RUSC1: variants seen among roughly 807,000 people sequenced by gnomAD.
RUSC1 encodes AP-4 complex accessory subunit RUSC1.
RUSC1 carries 40 observed loss-of-function variants against 72.1 expected under a neutral mutation model. The observed-to-expected ratio is 0.55, with a 90% CI of 0.43 to 0.72. RUSC1 has a LOEUF of 0.72. Among genes scored for constraint, RUSC1 ranks in the 30% least tolerant of loss-of-function variants. RUSC1 has a pLI of 0.00. For synonymous variants in RUSC1, 512 were observed against 494.2 expected, an observed-to-expected ratio of 1.04 and a Z score of -0.48; for missense variants, 1,092 against 1,172.3, an observed-to-expected ratio of 0.93 and a Z score of 1.00.
rs370812974 is a variant in RUSC1, at chr1:155,328,246, C to T, written c.2511C>T (p.Ala837=). ...PEMPSPQELE[A]SAPRMVQTHR... is the part of the protein sequence containing the mutation. Reference sequence around the variant, plus strand: ...TGCCTTCTCCTCAGGAGCTTGAGGCCTCAGCACCCAGGATGGTGCAAACCC... The same window carrying T: ...TGCCTTCTCCTCAGGAGCTTGAGGCTTCAGCACCCAGGATGGTGCAAACCC... Residue 837 remains alanine, a synonymous_variant, in exon 9 of 10, where the codon GCC becomes GCT. Transcript: ENST00000368352. The T allele has an allele frequency of 4.3e-6, 7 of 1,613,324 alleles. No individual in the cohort carries two copies. Among genetic ancestry groups the T allele is most frequent in the Non-Finnish European group, 5.9e-6 (7 of 1,179,646 alleles).
intron 1 of RUSC1, chr1:155,321,299 C>G: frequency 7.3e-7 from 1 of 1,370,984 alleles, no homozygotes; most frequent in Non-Finnish European, 9.8e-7. Flanking sequence ...CATCCTCCAC[C>G]TCCTTTCAGG....
chr1:155,326,501 G>C lies in RUSC1; in HGVS notation c.1862-79G>C. On this transcript the variant is annotated intron_variant, in intron 7 of 9. Transcript: ENST00000368352. The surrounding 1 kb of genome is among the most constrained non-coding windows in gnomAD (Gnocchi z 4.7). ...CAGAGTGAGGCCTGGGAAGATGTGT[G>C]CTGACTGGTGGGCTGCTCTGGGGGG... 1 of 1,409,482 alleles carries C rather than the reference G, an allele frequency of 7.1e-7. No homozygotes were observed. Among genetic ancestry groups the C allele is most frequent in the Non-Finnish European group, 9.7e-7 (1 of 1,030,120 alleles). 87.3% of individuals were successfully genotyped at this position (1,409,482 alleles called of 1,614,324 possible).
At chr1:155,324,141 C>A in intron 2 of RUSC1, 1 of 1,307,740 alleles carries the variant, frequency 7.6e-7, no homozygotes, top group Non-Finnish European at 9.8e-7. Flanking sequence ...TGGGTCACAC[C>A]CTCTGTGGAA....
At chr1:155,323,297 T>G (rs1005426257) in intron 2 of RUSC1, among the ~76,000 whole-genome samples, 167 bp downstream of exon 2, 2 of 152,066 alleles carry the variant, frequency 1.3e-5, no homozygotes, top group African/African-American at 4.8e-5. Context: ...CATTGGGTTA[T>G]GGGACTAACT....
chr1:155,328,331 T>C (rs896558456), intron 9 of RUSC1, 56 bp downstream of exon 9: 1 of 1,507,214 alleles, frequency 6.6e-7, no homozygotes, highest in Non-Finnish European at 8.9e-7. Context: ...TATCACAGCA[T>C]GGATGGGAGG....
In RUSC1 at chr1:155,330,644, C is replaced by T; in HGVS notation, c.*73C>T. The T allele has an allele frequency of 1.4e-6, 2 of 1,391,188 alleles. No individual in the cohort carries two copies. 86.2% of individuals were successfully genotyped at this position (1,391,188 alleles called of 1,614,324 possible). A position where few individuals can be genotyped will look rare whatever the true frequency, so the allele number is the denominator to read the frequency against. On this transcript the variant is annotated 3_prime_UTR_variant, in exon 10 of 10. Coordinates refer to ENST00000368352, the MANE Select transcript of RUSC1 (RefSeq NM_001105203.2). ...ATGGAATGGCCAGTGAACACCATCC[C>T]AGAAGCATTTTCCCTCTGCAAAATG...
In RUSC1 at chr1:155,326,522, G is replaced by A; in HGVS notation, c.1862-58G>A. On this transcript the variant is annotated intron_variant, in intron 7 of 9. Transcript: ENST00000368352. This position sits in a 1 kb window ranked among gnomAD's most constrained non-coding sequence, Gnocchi z 4.7. The stretch of plus-strand genomic sequence containing the variant: ...GTGTGCTGACTGGTGGGCTGCTCTG[G>A]GGGGTCTTCTGGGACTAGGTCCAGG... 3 of 1,530,986 alleles carry A rather than the reference G, an allele frequency of 2.0e-6. No homozygotes were observed. Among genetic ancestry groups the A allele is most frequent in the Non-Finnish European group, 2.7e-6 (3 of 1,129,338 alleles). 94.8% of individuals were successfully genotyped at this position (1,530,986 alleles called of 1,614,324 possible).
rs574216960 is a variant in RUSC1 at position 155,324,229 on chromosome 1, T to C, written c.1358-616T>C. ...GGAGGGTGAAGCTCCCGGGAGCTCA[T>C]TGGCACTAGAGGTTCTGGCCACGCC... On this transcript the variant is annotated intron_variant, in intron 2 of 9. Transcript: ENST00000368352. 4.2e-6 allele frequency: 6 copies of C among 1,433,594 alleles called. No homozygotes were observed. The East Asian group carries it at 1.3e-4, about 31-fold the overall frequency. 88.8% of individuals were successfully genotyped at this position (1,433,594 alleles called of 1,614,324 possible). A position where few individuals can be genotyped will look rare whatever the true frequency, so the allele number is the denominator to read the frequency against.
At position 155,322,817 on chromosome 1, in the gene RUSC1, C is replaced by T. The variant is rs754379923; in HGVS notation, c.1044C>T (p.Pro348=). The T allele has an allele frequency of 6.2e-7, 1 of 1,613,852 alleles. No individual in the cohort carries two copies. The highest frequency in any genetic ancestry group is 8.5e-7 in the Non-Finnish European group (1 of 1,179,934). ...DRSDWLIVFS[P]DTELPPSGSP... ...GTGACTGGCTCATAGTCTTCTCGCC[C>T]GACACCGAGCTCCCCCCCTCGGGGT... The change falls in exon 2 of 10, where the codon CCC becomes CCT. Residue 348 remains proline (P), a synonymous_variant. Coordinates refer to ENST00000368352, the MANE Select transcript of RUSC1 (RefSeq NM_001105203.2).
rs147600336 is a variant in RUSC1, at chr1:155,321,259, C to T, written c.-87+268C>T. 10,202 of 1,366,904 alleles carry T rather than the reference C, an allele frequency of 7.5e-3. 51 individuals carry two copies. The highest frequency in any genetic ancestry group is 8.5e-3 in the Non-Finnish European group (8,707 of 1,022,738). The allele number at this position is 1,366,904 out of a possible 1,614,324, so 84.7% of individuals were successfully genotyped here. On this transcript the variant is annotated intron_variant, in intron 1 of 9. Coordinates refer to ENST00000368352, the MANE Select transcript of RUSC1 (RefSeq NM_001105203.2). The stretch of plus-strand genomic sequence containing the variant: ...AGCCCCCACCCCTTTCCTGCATTCA[C>T]CAGACAAACTCTGCGTATTGCCCCA...
At chr1:155,323,465 T>C (rs1650844916) in intron 2 of RUSC1, 1 of 203,616 alleles carries the variant, frequency 4.9e-6, no homozygotes, top group Admixed American at 6.0e-5. Context: ...CGCCCCCTGT[T>C]GGAGGGTGGG....
At position 155,330,413 on chromosome 1, in the gene RUSC1, G is replaced by A. The variant is rs2148290722; in HGVS notation, c.2551G>A (p.Ala851Thr). ...TCTGGCTCCCCTCAGGGCAGTGCGG[G>A]CTCTCTGTGATCACACTGCTGCAAG... ...RMVQTHRAVR[A>T]LCDHTAARPD... Residue 851 changes from alanine (A) to threonine (T), a missense_variant, in exon 10 of 10, where the codon GCT (alanine) becomes ACT (threonine). By Grantham distance (58) the Ala-to-Thr change is moderately conservative. Coordinates refer to ENST00000368352, the MANE Select transcript of RUSC1 (RefSeq NM_001105203.2). The A allele has an allele frequency of 6.2e-7, 1 of 1,612,646 alleles. No homozygotes were observed. Among genetic ancestry groups the A allele is most frequent in the South Asian group, 1.1e-5 (1 of 91,016 alleles).
At chr1:155,324,394 C>T in intron 2 of RUSC1, 1 of 1,613,046 alleles carries the variant, frequency 6.2e-7, no homozygotes, top group South Asian at 1.1e-5. Context: ...CCTCCCTTTC[C>T]CCTGTCTGTC....
chr1:155,321,415 G>T lies in RUSC1; in HGVS notation c.-86-273G>T, dbSNP rs751651189. On this transcript the variant is annotated intron_variant, in intron 1 of 9. Transcript: ENST00000368352. ...GGACCTGGAGGTCCATTCTGGGCCC[G>T]GACCTCTTCCAGGCCCCCGCCCCCC... The T allele has an allele frequency of 9.3e-6, 13 of 1,398,430 alleles. No individual in the cohort carries two copies. The South Asian group carries it at 1.5e-4, about 16-fold the overall frequency. The allele number at this position is 1,398,430 out of a possible 1,614,324, so 86.6% of individuals were successfully genotyped here. A position where few individuals can be genotyped will look rare whatever the true frequency, so the allele number is the denominator to read the frequency against.
At chr1:155,324,102 G>A (rs1650960068) in intron 2 of RUSC1, 1 of 1,194,848 alleles carries the variant, frequency 8.4e-7, no homozygotes, top group African/African-American at 1.6e-5. Context: ...AAGTCTAGGG[G>A]GTCCCAGCGA....
Position 155,321,925 on chromosome 1 carries a change from G to A in RUSC1, c.152G>A (p.Ser51Asn). ...PPPGDTGGKE[S>N]RGPCSGTLVD... ...CCAGGAGACACTGGGGGCAAGGAGA[G>A]CAGGGGCCCCTGCAGTGGCACCCTG... is the stretch of plus-strand genomic sequence containing the variant. The change falls in exon 2 of 10, where the codon AGC becomes AAC. Residue 51 changes from serine (S) to asparagine (N), a missense_variant. By Grantham distance (46) the Ser-to-Asn change is conservative (BLOSUM62 1). Transcript: ENST00000368352. The A allele has an allele frequency of 6.2e-7, 1 of 1,607,412 alleles. No individual in the cohort carries two copies. The highest frequency in any genetic ancestry group is 8.5e-7 in the Non-Finnish European group (1 of 1,177,174).
chr1:155,330,289 C>T, intron 9 of RUSC1, 114 bp from the exon 10 acceptor site: 1 of 1,020,614 alleles, frequency 9.8e-7, no homozygotes, highest in South Asian at 1.5e-5. Flanking sequence ...CCTTCCAGAG[C>T]CCAGTCAATG....
In RUSC1 at chr1:155,322,393, T is replaced by C; in HGVS notation, c.620T>C (p.Leu207Pro). 6.2e-7 allele frequency: 1 copy of C among 1,614,094 alleles called. No homozygotes were observed. The highest frequency in any genetic ancestry group is 8.5e-7 in the Non-Finnish European group (1 of 1,179,984). ...EEEDERAEQDLPTSELLEADD... is the reference protein window; with the variant it reads ...EEEDERAEQDPPTSELLEADD... ...GAGGACGAGAGGGCGGAGCAGGATCTCCCTACCTCTGAGCTCTTAGAGGCG... is the reference window on the plus strand; with the variant it reads ...GAGGACGAGAGGGCGGAGCAGGATCCCCCTACCTCTGAGCTCTTAGAGGCG... The change falls in exon 2 of 10, where the codon CTC (leucine) becomes CCC (proline). Residue 207 changes from leucine to proline, a missense_variant. Transcript: ENST00000368352.
Position 155,326,493 on chromosome 1 carries a change from A to G in RUSC1, c.1862-87A>G, listed in dbSNP as rs1370146695. On this transcript the variant is annotated intron_variant, in intron 7 of 9. Coordinates refer to ENST00000368352, the MANE Select transcript of RUSC1 (RefSeq NM_001105203.2). This position sits in a 1 kb window ranked among gnomAD's most constrained non-coding sequence, Gnocchi z 4.7. ...GTGCCCAGCAGAGTGAGGCCTGGGAAGATGTGTGCTGACTGGTGGGCTGCT... is the reference window on the plus strand; with the variant it reads ...GTGCCCAGCAGAGTGAGGCCTGGGAGGATGTGTGCTGACTGGTGGGCTGCT... 1.5e-6 allele frequency: 2 copies of G among 1,321,614 alleles called. No homozygotes were observed. Among genetic ancestry groups the G allele is most frequent in the Non-Finnish European group, 2.1e-6 (2 of 957,022 alleles). The allele number at this position is 1,321,614 out of a possible 1,614,324, so 81.9% of individuals were successfully genotyped here.
Sources: gnomAD v4.1 joint callset for allele counts (sites outside exome capture counted in the v4.1 genomes callset) on GRCh38, gnomAD v4.1.1 for gene constraint, Gnocchi (gnomAD v3.1) non-coding constraint, MANE v1.5 for transcripts, NCBI Gene and HGNC (gene_info 2026-07-23, HGNC 2026-07-21) for gene names.